SEMA5A: variants seen among roughly 807,000 people sequenced by gnomAD.
SEMA5A encodes the protein semaphorin-5A.
SEMA5A carries 55 observed loss-of-function variants against 135.5 expected under a neutral mutation model. The ratio of observed to expected loss-of-function variants is 0.41; its 90% confidence interval spans 0.33 to 0.51. SEMA5A has a LOEUF of 0.51. SEMA5A is among the 20% of genes least tolerant of loss of function. The pLI is 0.37. For synonymous variants in SEMA5A, 580 were observed against 546.5 expected, an observed-to-expected ratio of 1.06 and a Z score of -0.85; for missense variants, 1,290 against 1,419.9, an observed-to-expected ratio of 0.91 and a Z score of 1.47.
At position 9,204,384 on chromosome 5, in the gene SEMA5A, T is replaced by C. The variant is rs764539957; in HGVS notation, c.647-2144A>G. Among the ~76,000 whole-genome samples, 1 of 152,164 alleles carries C rather than the reference T, an allele frequency of 6.6e-6. No individual in the cohort carries two copies. The highest frequency in any genetic ancestry group is 1.5e-5 in the Non-Finnish European group (1 of 68,012). Reference sequence around the variant, plus strand: ...GCTATTAACTTGGGGACAAATGGCATGAAAACCACATAGTAAATAGCTCCA... The same window carrying C: ...GCTATTAACTTGGGGACAAATGGCACGAAAACCACATAGTAAATAGCTCCA... On this transcript the variant is annotated intron_variant, in intron 8 of 22. Coordinates refer to ENST00000382496, the MANE Select transcript of SEMA5A (RefSeq NM_003966.3). The surrounding 1 kb of genome is among the most constrained non-coding windows in gnomAD (Gnocchi z 6.4).
At chr5:9,177,579 T>C (rs1744272981) in intron 11 of SEMA5A, among the ~76,000 whole-genome samples, 2 of 152,228 alleles carry the variant, frequency 1.3e-5, no homozygotes, top group East Asian at 3.9e-4. Flanking sequence ...GACTTGTTCA[T>C]CTTTGTTCAC....
chr5:9,445,510 A>G (rs1419726756), intron 1 of SEMA5A, among the ~76,000 whole-genome samples: 1 of 152,052 alleles, frequency 6.6e-6, no homozygotes, highest in African/African-American at 2.4e-5. Flanking sequence ...TCTACTAAAA[A>G]TACAAAAAAT....
chr5:9,359,221 T>C (rs1398001113), intron 3 of SEMA5A, among the ~76,000 whole-genome samples: 1 of 152,212 alleles, frequency 6.6e-6, no homozygotes, highest in Non-Finnish European at 1.5e-5. Context: ...GAATCTAGCC[T>C]CTGCTCTGTT....
chr5:9,365,028 G>A (rs991268129), intron 3 of SEMA5A, among the ~76,000 whole-genome samples: 1 of 152,156 alleles, frequency 6.6e-6, no homozygotes, highest in Admixed American at 6.5e-5. Flanking sequence ...ACAAGGTGGA[G>A]TATACATTTT....
chr5:9,199,199 G>A (rs150512914), intron 9 of SEMA5A, among the ~76,000 whole-genome samples: 277 of 152,268 alleles, frequency 1.8e-3, no homozygotes, highest in African/African-American at 6.4e-3. Context: ...GCTGACCTGG[G>A]CTCTGGTGTC....
intron 11 of SEMA5A, among the ~76,000 whole-genome samples, chr5:9,162,348 A>G (rs1367771266): frequency 6.6e-6 from 1 of 151,764 alleles, no homozygotes; most frequent in African/African-American, 2.4e-5. Context: ...AAGGAAAAGC[A>G]AGCAAAGGTA....
chr5:9,342,715 C>A (rs914011775), intron 3 of SEMA5A, among the ~76,000 whole-genome samples: 56 of 152,156 alleles, frequency 3.7e-4, no homozygotes, highest in African/African-American at 1.3e-3. Context: ...CAAGACAGCT[C>A]AAAAATAGCT....
chr5:9,171,817 A>G (rs1048667360), intron 11 of SEMA5A, among the ~76,000 whole-genome samples: 4 of 152,128 alleles, frequency 2.6e-5, no homozygotes, highest in African/African-American at 9.7e-5. Context: ...GGAGGATGAG[A>G]GGTCAGTGCC....
intron 13 of SEMA5A, among the ~76,000 whole-genome samples, chr5:9,125,675 G>A (rs573049543): frequency 2.6e-5 from 4 of 152,112 alleles, no homozygotes; most frequent in African/African-American, 7.2e-5. Flanking sequence ...CCAAGGTCTC[G>A]GTGGCCTCCC....
chr5:9,459,685 T>C (rs1005972732), intron 1 of SEMA5A, among the ~76,000 whole-genome samples: 3 of 152,254 alleles, frequency 2.0e-5, no homozygotes, highest in African/African-American at 4.8e-5. Context: ...ATATAATGTA[T>C]GTTCTTTTAA....
At chr5:9,315,745 C>G (rs1752360872) in intron 5 of SEMA5A, among the ~76,000 whole-genome samples, 1 of 152,178 alleles carries the variant, frequency 6.6e-6, no homozygotes, top group African/African-American at 2.4e-5. Flanking sequence ...GCTGCGTCCT[C>G]TGTGCATCAA....
At chr5:9,431,864 C>T (rs1757867746) in intron 2 of SEMA5A, among the ~76,000 whole-genome samples, 1 of 152,134 alleles carries the variant, frequency 6.6e-6, no homozygotes, top group Non-Finnish European at 1.5e-5. Context: ...CAGCCTCACT[C>T]AATCACGAAA....
intron 5 of SEMA5A, among the ~76,000 whole-genome samples, chr5:9,298,910 T>C (rs116086250): frequency 6.6e-6 from 1 of 152,200 alleles, no homozygotes; most frequent in Non-Finnish European, 1.5e-5. Flanking sequence ...TCTCACAGCC[T>C]TCAGCTCTGC....
At chr5:9,128,865 G>A (rs761233118) in intron 13 of SEMA5A, among the ~76,000 whole-genome samples, 6 of 152,112 alleles carry the variant, frequency 3.9e-5, no homozygotes, top group African/African-American at 7.2e-5. Context: ...GGGCTGCCAT[G>A]TGCATAACAG....
chr5:9,396,859 A>G (rs549730058), intron 2 of SEMA5A, among the ~76,000 whole-genome samples: 5 of 152,290 alleles, frequency 3.3e-5, no homozygotes, highest in African/African-American at 1.2e-4. Flanking sequence ...CTTCATGACC[A>G]TCATGTCTGC....
At chr5:9,364,444 T>C in intron 3 of SEMA5A, among the ~76,000 whole-genome samples, 1 of 152,220 alleles carries the variant, frequency 6.6e-6, no homozygotes, top group East Asian at 1.9e-4. Context: ...TGAAGGAGCA[T>C]AGCTTTTATT....
intron 16 of SEMA5A, among the ~76,000 whole-genome samples, chr5:9,103,488 CT>C (rs1739738045): frequency 6.6e-6 from 1 of 152,178 alleles, no homozygotes; most frequent in Non-Finnish European, 1.5e-5. Context: ...TGTCTTTCTT[CT>C]TGACCTTTCC....
rs148958119 is a variant in SEMA5A at position 9,524,693 on chromosome 5, A to G, written c.-175+20891T>C. Among the ~76,000 whole-genome samples the G allele has an allele frequency of 3.6e-3, 549 of 152,372 alleles. 5 individuals carry two copies. The highest frequency in any genetic ancestry group is 0.026 in the South Asian group (126 of 4,824). On this transcript the variant is annotated intron_variant, in intron 1 of 22. Coordinates refer to ENST00000382496, the MANE Select transcript of SEMA5A (RefSeq NM_003966.3). ...AATACAGATGGTAACAATGACCACA[A>G]AAATAATGATGAAAGTCCCCTTGGT... is the stretch of plus-strand genomic sequence containing the variant.
At chr5:9,346,892 A>ATATG (rs777037038) in intron 3 of SEMA5A, among the ~76,000 whole-genome samples, 2 of 149,362 alleles carry the variant, frequency 1.3e-5, no homozygotes, top group African/African-American at 4.9e-5. Flanking sequence ...GTATATATAT[A>ATATG]TGTGTGTGTG....
Sources: gnomAD v4.1 joint callset for allele counts (sites outside exome capture counted in the v4.1 genomes callset) on GRCh38, gnomAD v4.1.1 for gene constraint, Gnocchi (gnomAD v3.1) non-coding constraint, MANE v1.5 for transcripts, NCBI Gene and HGNC (gene_info 2026-07-23, HGNC 2026-07-21) for gene names.